GOSR2: variants seen among roughly 807,000 people sequenced by gnomAD.
GOSR2 encodes golgi SNAP receptor complex member 2.
Under a neutral mutation model 27.9 loss-of-function variants are expected in GOSR2, and 20 were observed. The ratio of observed to expected loss-of-function variants is 0.72; its 90% confidence interval spans 0.50 to 1.04. The LOEUF (loss-of-function observed/expected upper bound fraction) is 1.04. GOSR2 is among the 50% of genes least tolerant of loss of function. The probability of loss-of-function intolerance (pLI) is 0.00; values close to 1 mark genes in which losing one functional copy is unlikely to be tolerated. For synonymous variants in GOSR2, 91 were observed against 98.8 expected (o/e 0.92, Z 0.47); for missense variants, 261 against 270.5 (o/e 0.97, Z 0.25).
chr17:46,966,508 C>T (rs950102832), intron 6 of GOSR2: 32 of 685,914 alleles, frequency 4.7e-5, no homozygotes, highest in Admixed American at 1.4e-4. Context: ...CCACCACACC[C>T]GATTAATTTT....
intron 1 of GOSR2, 153 bp downstream of exon 1, chr17:46,923,374 G>C: frequency 6.8e-7 from 1 of 1,472,644 alleles, no homozygotes; most frequent in Non-Finnish European, 9.0e-7. Context: ...CTTAATCCTT[G>C]GCGGGACTCC....
chr17:46,949,928 A>G (rs1013300379), intron 6 of GOSR2, among the ~76,000 whole-genome samples: 6 of 152,200 alleles, frequency 3.9e-5, no homozygotes, highest in Non-Finnish European at 8.8e-5. Context: ...GGTGCCTAAG[A>G]GCAGACTCAT....
rs146582197 is a variant in GOSR2, at chr17:46,951,353, C to T, written c.583+12649C>T. ...CACCCAGAGCCCATTTCCATGACAA[C>T]AGCAAGCTCCTTACCCATCAATTTC... is the stretch of plus-strand genomic sequence containing the variant. On this transcript the variant is annotated intron_variant, in intron 6 of 6. Coordinates refer to the GOSR2 transcript ENST00000573224. Among the ~76,000 whole-genome samples the T allele has an allele frequency of 1.9e-4, 29 of 152,280 alleles. No homozygotes were observed. In the East Asian group the frequency reaches 5.6e-3, roughly 29 times the overall value.
intron 2 of GOSR2, 27 bp from the exon 3 acceptor site, chr17:46,931,072 A>G (rs759618333): frequency 1.7e-6 from 2 of 1,174,972 alleles, no homozygotes; most frequent in South Asian, 1.2e-5. Flanking sequence ...CTTTTCCAGC[A>G]ATTATTCTTT....
chr17:46,947,154 G>A (rs913829122), intron 6 of GOSR2, among the ~76,000 whole-genome samples: 7 of 152,162 alleles, frequency 4.6e-5, no homozygotes, highest in African/African-American at 1.7e-4. Flanking sequence ...TGTGGATGCA[G>A]GAACCCTCAG....
At chr17:46,931,026 T>A (rs1305560752) in intron 2 of GOSR2, 73 bp from the exon 3 acceptor site, 1 of 854,950 alleles carries the variant, frequency 1.2e-6, no homozygotes, top group South Asian at 1.4e-5. Context: ...GAAAAAAAAA[T>A]CTGTGATTTA....
Position 46,938,736 on chromosome 17 carries a change from C to T in GOSR2, c.615C>T (p.Phe205=), listed in dbSNP as rs1463345334. ...GGMLLTCVVM[F]LVVQYLT ...TGCTGCTGACCTGTGTGGTCATGTT[C>T]CTCGTGGTGCAGTACCTGACATGAG... Residue 205 remains phenylalanine (F), a synonymous_variant, in exon 6 of 6, where the codon TTC becomes TTT. Coordinates refer to ENST00000640051, the MANE Select transcript of GOSR2 (RefSeq NM_004287.5). 1.2e-6 allele frequency: 2 copies of T among 1,613,994 alleles called. No individual in the cohort carries two copies. Among genetic ancestry groups the T allele is most frequent in the Non-Finnish European group, 1.7e-6 (2 of 1,179,962 alleles).
At chr17:46,928,267 G>A (rs1299607118) in intron 1 of GOSR2, among the ~76,000 whole-genome samples, 3 of 152,206 alleles carry the variant, frequency 2.0e-5, no homozygotes, top group Admixed American at 6.5e-5. Context: ...CCATAGGGAA[G>A]CCCTGGAAAA....
intron 6 of GOSR2, among the ~76,000 whole-genome samples, chr17:46,952,423 A>G (rs1313432187): frequency 6.6e-6 from 1 of 152,092 alleles, no homozygotes; most frequent in African/African-American, 2.4e-5. Context: ...TTCCTCCCCT[A>G]TTCTCACTAG....
chr17:46,931,930 TGTG>T (rs1260100607), intron 3 of GOSR2, 134 bp from the exon 4 acceptor site: 4 of 770,458 alleles, frequency 5.2e-6, no homozygotes, highest in African/African-American at 1.7e-5. Flanking sequence ...AATTAGATCT[TGTG>T]GTGAGGGGGT....
downstream of GOSR2, among the ~76,000 whole-genome samples, chr17:46,946,179 T>A (rs2089850851): frequency 6.6e-6 from 1 of 150,724 alleles, no homozygotes. Flanking sequence ...CTCATGCCTG[T>A]AATCCCAGCA....
chr17:46,937,614 C>A (rs1036525783), intron 5 of GOSR2: 2 of 152,170 alleles, frequency 1.3e-5, no homozygotes, highest in African/African-American at 4.8e-5. Context: ...CCCCAGGCAG[C>A]CACTGTTGTG....
intron 1 of GOSR2, among the ~76,000 whole-genome samples, chr17:46,925,335 A>T (rs189956391): frequency 6.6e-6 from 1 of 152,154 alleles, no homozygotes; most frequent in Admixed American, 6.5e-5. Context: ...CTACCCCGAC[A>T]CTCATTAATT....
Position 46,940,465 on chromosome 17 carries a change from T to C in GOSR2, c.*1705T>C. ...TTGACATTTCCATTACACACAGCAC[T>C]GCTGCGGTGCCAGGGACCTAGCGCA... On this transcript the variant is annotated 3_prime_UTR_variant, in exon 6 of 6. Transcript: ENST00000640051. 1.2e-6 allele frequency: 2 copies of C among 1,611,082 alleles called. No individual in the cohort carries two copies. Among genetic ancestry groups the C allele is most frequent in the Non-Finnish European group, 1.7e-6 (2 of 1,179,782 alleles).
At chr17:46,942,516 TG>T (rs2089416572), downstream of GOSR2, among the ~76,000 whole-genome samples, 1 of 152,202 alleles carries the variant, frequency 6.6e-6, no homozygotes, top group South Asian at 2.1e-4. Context: ...GGTGCTCTGC[TG>T]GGGTCTGGGG....
chr17:46,968,020 T>G (rs1326042081), downstream of GOSR2, among the ~76,000 whole-genome samples: 2 of 152,078 alleles, frequency 1.3e-5, no homozygotes, highest in Non-Finnish European at 2.9e-5. Context: ...GTGATGCTCT[T>G]ACAGAATCAG....
intron 6 of GOSR2, among the ~76,000 whole-genome samples, chr17:46,953,042 A>AT (rs1232748474): frequency 6.6e-6 from 1 of 151,702 alleles, no homozygotes; most frequent in Non-Finnish European, 1.5e-5. Flanking sequence ...ATTATTTTTT[A>AT]TTTTTTTATT....
chr17:46,928,840 A>G (rs1177614559), intron 1 of GOSR2, among the ~76,000 whole-genome samples: 1 of 152,072 alleles, frequency 6.6e-6, no homozygotes, highest in Non-Finnish European at 1.5e-5. Flanking sequence ...TCACCAAATG[A>G]TGTCTCCCTT....
chr17:46,923,355 T>G, intron 1 of GOSR2, 134 bp downstream of exon 1: 1 of 1,506,398 alleles, frequency 6.6e-7, no homozygotes, highest in Non-Finnish European at 8.9e-7. Flanking sequence ...TGGGGATGCC[T>G]CCGAAGTGCT....
Sources: gnomAD v4.1 joint callset for allele counts (sites outside exome capture counted in the v4.1 genomes callset) on GRCh38, gnomAD v4.1.1 for gene constraint, MANE v1.5 for transcripts, NCBI Gene and HGNC (gene_info 2026-07-23, HGNC 2026-07-21) for gene names.